The following ATAD1 variants were observed in gnomAD, a reference collection of about 807,000 sequenced individuals.
ATAD1 encodes the protein outer mitochondrial transmembrane helix translocase.
ATAD1 carries 18 observed loss-of-function variants against 42.7 expected under a neutral mutation model. The observed-to-expected ratio is 0.42, with a 90% CI of 0.29 to 0.63. ATAD1 has a LOEUF of 0.63. ATAD1 is among the 20% of genes least tolerant of loss of function. The probability of loss-of-function intolerance (pLI) is 0.19; values close to 1 mark genes in which losing one functional copy is unlikely to be tolerated. For synonymous variants in ATAD1, 132 were observed against 143.1 expected (o/e 0.92, Z 0.55); for missense variants, 294 against 440.4 (o/e 0.67, Z 2.98).
chr10:87,806,090 C>T (rs1441077758), intron 2 of ATAD1, among the ~76,000 whole-genome samples: 1 of 152,058 alleles, frequency 6.6e-6, no homozygotes, highest in African/African-American at 2.4e-5. Context: ...TTATATTTGC[C>T]ACCCCACAAA....
intron 6 of ATAD1, among the ~76,000 whole-genome samples, chr10:87,775,466 C>G (rs1170949025): frequency 2.3e-5 from 1 of 44,138 alleles, no homozygotes; most frequent in Admixed American, 2.3e-4. Flanking sequence ...GTTAAAACAA[C>G]AAAAGAACAC....
intron 1 of ATAD1, among the ~76,000 whole-genome samples, chr10:87,834,854 T>C (rs1857902574): frequency 6.6e-6 from 1 of 151,976 alleles, no homozygotes; most frequent in African/African-American, 2.4e-5. Flanking sequence ...TAAAGATCAG[T>C]GACGTGAGAA....
At chr10:87,806,390 G>C (rs912013762) in intron 2 of ATAD1, among the ~76,000 whole-genome samples, 4 of 151,712 alleles carry the variant, frequency 2.6e-5, no homozygotes, top group Admixed American at 1.3e-4. Flanking sequence ...TACCAATCCA[G>C]GTTTAAGAAC....
At chr10:87,820,181 C>T (rs1441113551), upstream of ATAD1, among the ~76,000 whole-genome samples, 2 of 152,002 alleles carry the variant, frequency 1.3e-5, no homozygotes, top group East Asian at 1.9e-4. Flanking sequence ...TTGGATGATC[C>T]CAAGCTGAAT....
chr10:87,815,476 C>T (rs1857373799), intron 1 of ATAD1, among the ~76,000 whole-genome samples: 1 of 151,856 alleles, frequency 6.6e-6, no homozygotes, highest in African/African-American at 2.4e-5. Context: ...ATTATACTCT[C>T]AGCACAGGAG....
At chr10:87,834,329 T>C (rs1030446180) in intron 1 of ATAD1, among the ~76,000 whole-genome samples, 1 of 152,188 alleles carries the variant, frequency 6.6e-6, no homozygotes, top group African/African-American at 2.4e-5. Context: ...TCTCTCCTCT[T>C]CTATTTTCTG....
intron 2 of ATAD1, among the ~76,000 whole-genome samples, chr10:87,793,769 ATG>A (rs1167016874): frequency 6.6e-6 from 1 of 152,218 alleles, no homozygotes; most frequent in African/African-American, 2.4e-5. Context: ...CTGGTAAATC[ATG>A]TTTACCTAAG....
chr10:87,781,253 G>A (rs1662708260), intron 5 of ATAD1, among the ~76,000 whole-genome samples: 1 of 151,818 alleles, frequency 6.6e-6, no homozygotes, highest in African/African-American at 2.4e-5. Context: ...CACAAAAATA[G>A]TATGTTTAAA....
chr10:87,759,752 T>C (rs760039240), intron 8 of ATAD1: 5 of 455,840 alleles, frequency 1.1e-5, no homozygotes, highest in South Asian at 7.7e-5. Flanking sequence ...CCTGGGCAAG[T>C]TATTACAAAA....
At chr10:87,808,021 T>C (rs1857005437) in intron 2 of ATAD1, among the ~76,000 whole-genome samples, 1 of 152,236 alleles carries the variant, frequency 6.6e-6, no homozygotes, top group Non-Finnish European at 1.5e-5. Context: ...TCCGTTGTTT[T>C]ATATTTTTGA....
In ATAD1 at chr10:87,784,679, G is replaced by T. The variant is rs375816826; in HGVS notation, c.383-9C>A. On this transcript the variant is annotated splice_polypyrimidine_tract_variant and intron_variant, in intron 4 of 9. Transcript: ENST00000680024. ...CCCATAGAGAAGAACACCTGGAAAT[G>T]AATATGTTATTTATTACCTTTAAGG... 29 of 1,607,988 alleles carry T rather than the reference G, an allele frequency of 1.8e-5. No individual in the cohort carries two copies. Among genetic ancestry groups the T allele is most frequent in the Non-Finnish European group, 1.6e-5 (19 of 1,176,422 alleles).
intron 2 of ATAD1, among the ~76,000 whole-genome samples, chr10:87,805,661 C>A (rs969539326): frequency 6.6e-6 from 1 of 152,034 alleles, no homozygotes; most frequent in Non-Finnish European, 1.5e-5. Flanking sequence ...AAAAATGTTC[C>A]CATAACTACT....
intron 7 of ATAD1, among the ~76,000 whole-genome samples, chr10:87,770,109 A>G (rs941165605): frequency 1.3e-5 from 2 of 152,218 alleles, no homozygotes; most frequent in African/African-American, 4.8e-5. Flanking sequence ...GTAATTTTAT[A>G]GAGTCCATAA....
rs371862255 is a variant in ATAD1, at chr10:87,792,743, T to A, written c.175A>T (p.Met59Leu). 1 of 1,613,552 alleles carries A rather than the reference T, an allele frequency of 6.2e-7. No individual in the cohort carries two copies. Among genetic ancestry groups the A allele is most frequent in the African/African-American group, 1.3e-5 (1 of 74,908 alleles). ...ACATTTTTCACTCCAATTTGCTTCA[T>A]TAGTTTTTCTGCCTAGAATGAAAAG... ...VEAQKQAEKLMKQIGVKNVKL... is the reference protein window; with the variant it reads ...VEAQKQAEKLLKQIGVKNVKL... The change falls in exon 3 of 10, where the codon ATG becomes TTG. Residue 59 changes from methionine to leucine, a missense_variant. Physicochemically the swap from Met to Leu is conservative, Grantham distance 15 (BLOSUM62 2). This residue lies in a region of ATAD1 where 121 missense variants were observed against 187.3 expected (regional missense o/e 0.65). Transcript: ENST00000680024.
intron 1 of ATAD1, among the ~76,000 whole-genome samples, chr10:87,816,489 C>A (rs901505784): frequency 2.6e-5 from 4 of 152,166 alleles, no homozygotes; most frequent in African/African-American, 7.2e-5. Flanking sequence ...TATATGACGC[C>A]CACTATATAT....
chr10:87,805,530 T>C (rs1856882381), intron 2 of ATAD1, among the ~76,000 whole-genome samples: 1 of 152,160 alleles, frequency 6.6e-6, no homozygotes, highest in Non-Finnish European at 1.5e-5. Flanking sequence ...TCCACAATGA[T>C]TTAATCTCAT....
chr10:87,802,201 G>A (rs998741814), intron 2 of ATAD1, among the ~76,000 whole-genome samples: 2 of 152,078 alleles, frequency 1.3e-5, no homozygotes, highest in Non-Finnish European at 2.9e-5. Flanking sequence ...TTTTACCAAG[G>A]CTTTGACTGG....
At position 87,767,699 on chromosome 10, in the gene ATAD1, G is replaced by A. The variant is rs1854826515; in HGVS notation, c.805C>T (p.Leu269=). ...QPALKQREAI[L]KLILKNENVD... is the part of the protein sequence containing the mutation. ...TTTTCATTTTTCAAGATGAGTTTCA[G>A]GATTGCTTCTCTCTGTTTTAAAGCC... Residue 269 remains leucine (L), a synonymous_variant, in exon 8 of 10, where the codon CTG becomes TTG. Transcript: ENST00000680024. 4.3e-6 allele frequency: 7 copies of A among 1,610,734 alleles called. No homozygotes were observed. Among genetic ancestry groups the A allele is most frequent in the African/African-American group, 1.3e-5 (1 of 74,762 alleles).
At chr10:87,801,600 A>G (rs1298123943) in intron 2 of ATAD1, among the ~76,000 whole-genome samples, 1 of 151,694 alleles carries the variant, frequency 6.6e-6, no homozygotes, top group Non-Finnish European at 1.5e-5. Context: ...ATATGACTTA[A>G]TGTACATTAT....
Sources: gnomAD v4.1 joint callset for allele counts (sites outside exome capture counted in the v4.1 genomes callset) on GRCh38, gnomAD v4.1.1 for gene constraint, gnomAD v4.1.1 regional missense constraint, MANE v1.5 for transcripts, NCBI Gene and HGNC (gene_info 2026-07-23, HGNC 2026-07-21) for gene names.